Variants in CFAP96 observed in about 807,000 individuals in gnomAD.
The protein encoded by CFAP96 is cilia-and flagella-associated protein 96.
chr4:185,415,690 G>A, the CFAP96 span: 7 of 1,594,816 alleles, frequency 4.4e-6, no homozygotes, highest in East Asian at 1.4e-4. Flanking sequence ...ATGTGGCAGT[G>A]GTACTATAAA....
the CFAP96 span, among the ~76,000 whole-genome samples, chr4:185,443,853 A>G: frequency 5.7e-5 from 8 of 140,458 alleles, no homozygotes; most frequent in Admixed American, 2.9e-4. Flanking sequence ...TTTTCTTGTT[A>G]TTGTAAGCTT....
chr4:185,426,047 C>T, the CFAP96 span: 1 of 666,828 alleles, frequency 1.5e-6, no homozygotes, highest in Non-Finnish European at 2.6e-6. Context: ...TCGCGGACGG[C>T]GAGGCGGGGC....
At chr4:185,446,343 T>G in the CFAP96 span, among the ~76,000 whole-genome samples, 1 of 152,224 alleles carries the variant, frequency 6.6e-6, no homozygotes. Flanking sequence ...AAGTTGATAC[T>G]GTCTTAAAAC....
chr4:185,433,396 CA>C, the CFAP96 span, among the ~76,000 whole-genome samples: 17 of 27,960 alleles, frequency 6.1e-4, no homozygotes, highest in South Asian at 1.9e-3. Flanking sequence ...GACTCCATCT[CA>C]AAAAAAAAAA....
At chr4:185,416,259 T>C in the CFAP96 span, among the ~76,000 whole-genome samples, 1 of 152,228 alleles carries the variant, frequency 6.6e-6, no homozygotes, top group East Asian at 1.9e-4. Flanking sequence ...AAGCCACGCA[T>C]AGGTTCACTG....
the CFAP96 span, among the ~76,000 whole-genome samples, chr4:185,435,294 T>C: frequency 6.6e-6 from 1 of 152,364 alleles, no homozygotes; most frequent in South Asian, 2.1e-4. Flanking sequence ...CTTTCTAGTT[T>C]TTGAAATTTT....
At chr4:185,447,272 G>C in the CFAP96 span, among the ~76,000 whole-genome samples, 3,046 of 150,880 alleles carry the variant, frequency 0.02, 48 homozygotes, top group Middle Eastern at 0.055. Flanking sequence ...AGCTCCACCT[G>C]CCGGGTTCAC....
chr4:185,419,437 A>C, the CFAP96 span, among the ~76,000 whole-genome samples: 1 of 152,088 alleles, frequency 6.6e-6, no homozygotes, highest in Non-Finnish European at 1.5e-5. Context: ...GCCCTCCTAC[A>C]TCTTTTCTAA....
the CFAP96 span, among the ~76,000 whole-genome samples, chr4:185,443,342 A>ATATATATATATATATT: frequency 1.9e-4 from 5 of 26,724 alleles, no homozygotes; most frequent in East Asian, 1.5e-3. Context: ...ATATATATAT[A>ATATATATATATATATT]TTTTTTTTTT....
chr4:185,415,819 C>T, the CFAP96 span: 10 of 1,613,580 alleles, frequency 6.2e-6, no homozygotes, highest in East Asian at 2.2e-5. Context: ...GTTACAGCTG[C>T]CAGGGAGGTT....
chr4:185,431,918 A>G, the CFAP96 span: 45 of 1,287,780 alleles, frequency 3.5e-5, no homozygotes, highest in South Asian at 6.1e-4. Context: ...TTGTTATCTT[A>G]TTTTTCATGT....
chr4:185,438,718 A>G, the CFAP96 span, among the ~76,000 whole-genome samples: 21 of 152,162 alleles, frequency 1.4e-4, no homozygotes, highest in African/African-American at 4.8e-4. Flanking sequence ...CACATTACTT[A>G]GAAATGGTTT....
chr4:185,442,361 AT>A, the CFAP96 span, among the ~76,000 whole-genome samples: 1 of 151,978 alleles, frequency 6.6e-6, no homozygotes, highest in Non-Finnish European at 1.5e-5. Context: ...AGAGTTTTGT[AT>A]TTTATATTGC....
chr4:185,436,729 A>G, the CFAP96 span, among the ~76,000 whole-genome samples: 1 of 149,032 alleles, frequency 6.7e-6, no homozygotes, highest in Non-Finnish European at 1.5e-5. Context: ...AATAATAATA[A>G]TAATAATAAT....
chr4:185,440,681 A>G, the CFAP96 span: 2 of 1,498,910 alleles, frequency 1.3e-6, no homozygotes, highest in Admixed American at 2.1e-5. Context: ...GAAGAAAACA[A>G]TTTCAAATAC....
At chr4:185,415,588 C>G in the CFAP96 span, 1 of 945,456 alleles carries the variant, frequency 1.1e-6, no homozygotes, top group Non-Finnish European at 1.5e-6. Context: ...TAATAGATGG[C>G]TCTTAGGTTA....
chr4:185,443,342 A>ATATATATATATATATATATATATATAT, the CFAP96 span, among the ~76,000 whole-genome samples: 1 of 26,730 alleles, frequency 3.7e-5, no homozygotes, highest in Admixed American at 5.2e-4. Flanking sequence ...ATATATATAT[A>ATATATATATATATATATATATATATAT]TTTTTTTTTT....
the CFAP96 span, among the ~76,000 whole-genome samples, chr4:185,432,521 A>T: frequency 3.3e-5 from 5 of 152,296 alleles, no homozygotes; most frequent in South Asian, 1.0e-3. Flanking sequence ...GCCTTGAATT[A>T]TCATGTCTAT....
the CFAP96 span, among the ~76,000 whole-genome samples, chr4:185,447,657 C>T: frequency 6.6e-5 from 10 of 150,940 alleles, no homozygotes; most frequent in African/African-American, 2.2e-4. Context: ...GCCATGTATG[C>T]ATCTCATTAG....
Sources: allele counts gnomAD v4.1 joint callset (sites outside exome capture counted in the v4.1 genomes callset), GRCh38; gene constraint gnomAD v4.1.1; transcripts MANE v1.5; gene names NCBI Gene and HGNC (gene_info 2026-07-23, HGNC 2026-07-21).